RSPH6A: variants seen among roughly 807,000 people sequenced by gnomAD.
RSPH6A encodes radial spoke head 6 homolog A, also known as radial spoke head protein 6 homolog A.
A neutral mutation model predicts 66.1 loss-of-function variants in RSPH6A; 49 were observed. The observed-to-expected ratio is 0.74, with a 90% CI of 0.59 to 0.94. The LOEUF is 0.94. Among genes scored for constraint, RSPH6A ranks in the 40% least tolerant of loss-of-function variants. RSPH6A has a pLI of 0.00. For missense variants in RSPH6A, 977 were observed against 948.3 expected, an observed-to-expected ratio of 1.03 and a Z score of -0.40; for synonymous variants, 419 against 402.4, an observed-to-expected ratio of 1.04 and a Z score of -0.49.
chr19:45,798,770 C>T (rs1159499772), intron 5 of RSPH6A, among the ~76,000 whole-genome samples: 2 of 143,034 alleles, frequency 1.4e-5, no homozygotes, highest in South Asian at 2.3e-4. Flanking sequence ...ACCCGGGAGG[C>T]GGAGGTTGCA....
intron 5 of RSPH6A, among the ~76,000 whole-genome samples, chr19:45,796,552 AC>A (rs1431296029): frequency 6.6e-6 from 1 of 151,480 alleles, no homozygotes; most frequent in African/African-American, 2.4e-5. Flanking sequence ...CCTCTGTATT[AC>A]CCAGGCTGGA....
intron 5 of RSPH6A, among the ~76,000 whole-genome samples, chr19:45,797,668 G>C (rs1970422696): frequency 6.6e-6 from 1 of 151,944 alleles, no homozygotes; most frequent in African/African-American, 2.4e-5. Flanking sequence ...ACTGAGGTCA[G>C]GGGCTCGAGA....
intron 4 of RSPH6A, among the ~76,000 whole-genome samples, chr19:45,801,666 G>A (rs1022102290): frequency 3.3e-5 from 5 of 152,102 alleles, no homozygotes; most frequent in African/African-American, 9.7e-5. Context: ...AGGCTGAGAC[G>A]GGAGAATTGC....
At position 45,797,971 on chromosome 19, in the gene RSPH6A, C is replaced by A. The variant is rs547702702; in HGVS notation, c.1917-1865G>T. Among the ~76,000 whole-genome samples the A allele has an allele frequency of 2.0e-5, 3 of 152,242 alleles. No homozygotes were observed. In the South Asian group the frequency reaches 6.2e-4, roughly 32 times the overall value. On this transcript the variant is annotated intron_variant, in intron 5 of 5. Coordinates refer to ENST00000221538, the MANE Select transcript of RSPH6A (RefSeq NM_030785.4). Reference sequence around the variant, plus strand: ...CCAGGCATAACCCAGCGAATTCAGCCTTTCTGCAGAATTTTAACTAGAGAA... The same window carrying A: ...CCAGGCATAACCCAGCGAATTCAGCATTTCTGCAGAATTTTAACTAGAGAA...
intron 1 of RSPH6A, among the ~76,000 whole-genome samples, chr19:45,813,080 T>C (rs958930950): frequency 6.6e-6 from 1 of 152,070 alleles, no homozygotes; most frequent in African/African-American, 2.4e-5. Flanking sequence ...GTTCTGAGCA[T>C]TGGAGGGACA....
chr19:45,796,253 A>T (rs1412031412), intron 5 of RSPH6A, 147 bp from the exon 6 acceptor site: 5 of 564,760 alleles, frequency 8.9e-6, no homozygotes, highest in Non-Finnish European at 1.5e-5. Context: ...TCCCAGGTTC[A>T]AGCGATTCTC....
rs1424579657 is a variant in RSPH6A at position 45,799,874 on chromosome 19, T to C, written c.1916+572A>G. Among the ~76,000 whole-genome samples, 3 of 152,086 alleles carry C rather than the reference T, an allele frequency of 2.0e-5. No individual in the cohort carries two copies. In the East Asian group the frequency reaches 5.8e-4, roughly 29 times the overall value. ...CCAGCCTGGCCAACATGGTGAAATCTTGTCTCCACTAAAAATACAAAAATT... is the reference window on the plus strand; with the variant it reads ...CCAGCCTGGCCAACATGGTGAAATCCTGTCTCCACTAAAAATACAAAAATT... On this transcript the variant is annotated intron_variant, in intron 5 of 5. Transcript: ENST00000221538.
intron 2 of RSPH6A, 146 bp from the exon 3 acceptor site, chr19:45,805,162 C>T (rs1240217331): frequency 9.1e-6 from 6 of 656,028 alleles, no homozygotes; most frequent in African/African-American, 1.8e-5. Context: ...TTTGAAAGGC[C>T]GAGGCTGGCT....
At position 45,804,871 on chromosome 19, in the gene RSPH6A, C is replaced by T. The variant is rs779547564; in HGVS notation, c.1034G>A (p.Trp345Ter). 3 of 1,614,090 alleles carry T rather than the reference C, an allele frequency of 1.9e-6. No individual in the cohort carries two copies. In the African/African-American group the frequency reaches 4.0e-5, roughly 22 times the overall value. ...EQQPIHTCRF[W>*]GKILGIKRSY... Reference sequence around the variant, plus strand: ...GCGTTTGATTCCCAGGATCTTGCCCCAGAAGCGACAGGTGTGGATGGGCTG... The same window carrying T: ...GCGTTTGATTCCCAGGATCTTGCCCTAGAAGCGACAGGTGTGGATGGGCTG... The change falls in exon 3 of 6, where the codon TGG (tryptophan) becomes TAG (stop). Residue 345 changes from tryptophan to a stop codon, truncating the protein, a stop_gained. Coordinates refer to ENST00000221538, the MANE Select transcript of RSPH6A (RefSeq NM_030785.4). LOFTEE classifies it high-confidence loss of function. The surrounding 1 kb of genome is among the most constrained non-coding windows in gnomAD (Gnocchi z 5.8).
At position 45,804,028 on chromosome 19, in the gene RSPH6A, GAAA is replaced by G. The variant is rs1437636322; in HGVS notation, c.1653+221_1653+223del. On this transcript the variant is annotated intron_variant, in intron 3 of 5. Transcript: ENST00000221538. This position sits in a 1 kb window ranked among gnomAD's most constrained non-coding sequence, Gnocchi z 5.8. ...AAAAGAAAAGAAAAGAAAAGAAAAA[GAAA>G]AAAAAGAAGAAAGAAAGAAAAGAAA... 6.8e-6 allele frequency among the ~76,000 whole-genome samples: 1 copy of G among 147,130 alleles called. No homozygotes were observed. Among genetic ancestry groups the G allele is most frequent in the Non-Finnish European group, 1.5e-5 (1 of 66,452 alleles).
chr19:45,804,133 A>G lies in RSPH6A; in HGVS notation c.1653+119T>C. 1.3e-6 allele frequency: 1 copy of G among 758,164 alleles called. No homozygotes were observed. The highest frequency in any genetic ancestry group is 2.1e-6 in the Non-Finnish European group (1 of 478,908). 47.0% of individuals were successfully genotyped at this position (758,164 alleles called of 1,614,324 possible). ...TGTTGAACCAATGAATGGATGGATG[A>G]ATGAACGAATGAATATTAGTTGCCC... On this transcript the variant is annotated intron_variant, in intron 3 of 5. Transcript: ENST00000221538. The surrounding 1 kb of genome is among the most constrained non-coding windows in gnomAD (Gnocchi z 5.8).
chr19:45,804,334 G>C lies in RSPH6A; in HGVS notation c.1571C>G (p.Pro524Arg), dbSNP rs144552615. Reference sequence around the variant, plus strand: ...CAGCACGGGGATGCCCTCGAAGTCCGGGTTCTCCTCGTAGGAGTCGCGCCC... The same window carrying C: ...CAGCACGGGGATGCCCTCGAAGTCCCGGTTCTCCTCGTAGGAGTCGCGCCC... Reference protein sequence around the residue: ...GAGRDSYEENPDFEGIPVLEL... With the variant: ...GAGRDSYEENRDFEGIPVLEL... The change falls in exon 3 of 6, where the codon CCG becomes CGG. Residue 524 changes from proline (P) to arginine (R), a missense_variant. Physicochemically the swap from Pro to Arg is moderately radical, Grantham distance 103. Coordinates refer to ENST00000221538, the MANE Select transcript of RSPH6A (RefSeq NM_030785.4). This position sits in a 1 kb window ranked among gnomAD's most constrained non-coding sequence, Gnocchi z 5.8. 2.8e-3 allele frequency: 4,538 copies of C among 1,614,174 alleles called. 20 individuals are homozygous for C. The highest frequency in any genetic ancestry group is 2.7e-3 in the Non-Finnish European group (3,141 of 1,180,036).
intron 5 of RSPH6A, among the ~76,000 whole-genome samples, chr19:45,800,210 A>C (rs561356627): frequency 6.6e-6 from 1 of 151,972 alleles, no homozygotes; most frequent in East Asian, 1.9e-4. Context: ...AGTCCCTCCC[A>C]CTCTCTTATT....
chr19:45,804,656 C>T lies in RSPH6A; in HGVS notation c.1249G>A (p.Glu417Lys). ...TTGTTGGCGCCTGAGCGGCTCTCCT[C>T]CTTGGGGATCACGGGCGGCGGCTTC... ...VWKPPPVIPK[E>K]ESRSGANKYL... Residue 417 changes from glutamate (E) to lysine (K), a missense_variant, in exon 3 of 6, where the codon GAG becomes AAG. By Grantham distance (56) the Glu-to-Lys change is moderately conservative. Coordinates refer to ENST00000221538, the MANE Select transcript of RSPH6A (RefSeq NM_030785.4). This position sits in a 1 kb window ranked among gnomAD's most constrained non-coding sequence, Gnocchi z 5.8. The T allele has an allele frequency of 3.1e-6, 5 of 1,614,100 alleles. No homozygotes were observed. The highest frequency in any genetic ancestry group is 4.2e-6 in the Non-Finnish European group (5 of 1,180,022).
In RSPH6A at chr19:45,804,887, G is replaced by A. The variant is rs753137483; in HGVS notation, c.1018C>T (p.His340Tyr). ...ATCTTGCCCCAGAAGCGACAGGTGT[G>A]GATGGGCTGCTGCTCCACCAGCTGT... Reference protein sequence around the residue: ...MKQLVEQQPIHTCRFWGKILG... With the variant: ...MKQLVEQQPIYTCRFWGKILG... The change falls in exon 3 of 6, where the codon CAC (histidine) becomes TAC (tyrosine). Residue 340 changes from histidine to tyrosine, a missense_variant. Transcript: ENST00000221538. The surrounding 1 kb of genome is among the most constrained non-coding windows in gnomAD (Gnocchi z 5.8). The A allele has an allele frequency of 2.5e-6, 4 of 1,614,106 alleles. No homozygotes were observed. The highest frequency in any genetic ancestry group is 3.3e-5 in the Admixed American group (2 of 60,004).
chr19:45,814,648 G>A lies in RSPH6A; in HGVS notation c.529C>T (p.Pro177Ser), dbSNP rs867824184. ...IRDDPALQFL[P>S]SELGFPHYSA... ...TAGTGTGGGAAGCCCAGCTCAGAGG[G>A]CAAGAACTGAAGGGCAGGGTCATCC... Residue 177 changes from proline (P) to serine (S), a missense_variant, in exon 1 of 6, where the codon CCC (proline) becomes TCC (serine). Transcript: ENST00000221538. 2 of 1,608,980 alleles carry A rather than the reference G, an allele frequency of 1.2e-6. No individual in the cohort carries two copies.
rs867689895 is a variant in RSPH6A at position 45,811,664 on chromosome 19, G to C, written c.651-824C>G. 3.6e-4 allele frequency among the ~76,000 whole-genome samples: 54 copies of C among 151,060 alleles called. No homozygotes were observed. The Middle Eastern group carries it at 0.014, about 39-fold the overall frequency. On this transcript the variant is annotated intron_variant, in intron 1 of 5. Transcript: ENST00000221538. ...GTGGCCAGGCTGGTCTCAAACTCCT[G>C]ACCTCAGGTGATCCACCTTCTTCCG...
chr19:45,805,770 G>C (rs1970536412), intron 2 of RSPH6A, among the ~76,000 whole-genome samples: 1 of 152,230 alleles, frequency 6.6e-6, no homozygotes, highest in Non-Finnish European at 1.5e-5. Flanking sequence ...GTGCTGGCCA[G>C]TGAGATGTAG....
At chr19:45,800,266 G>A (rs570337272) in intron 5 of RSPH6A, among the ~76,000 whole-genome samples, 180 bp downstream of exon 5, 1 of 152,292 alleles carries the variant, frequency 6.6e-6, no homozygotes, top group African/African-American at 2.4e-5. Flanking sequence ...ATCCTAGTGG[G>A]CTGGTATTTC....
Sources: gnomAD v4.1 joint callset for allele counts (sites outside exome capture counted in the v4.1 genomes callset) on GRCh38, gnomAD v4.1.1 for gene constraint, Gnocchi (gnomAD v3.1) non-coding constraint, MANE v1.5 for transcripts, NCBI Gene and HGNC (gene_info 2026-07-23, HGNC 2026-07-21) for gene names.